Variants in C1QTNF9 observed in about 807,000 individuals in gnomAD.
C1QTNF9 encodes the protein complement C1q and tumor necrosis factor-related protein 9A.
C1QTNF9 carries 6 observed loss-of-function variants against 10.1 expected under a neutral mutation model. The observed-to-expected ratio is 0.59, with a 90% CI of 0.32 to 1.17. C1QTNF9 has a LOEUF of 1.17. Ranked by LOEUF, C1QTNF9 falls within the 50% of genes most tolerant of loss-of-function variation. The probability of loss-of-function intolerance (pLI) is 0.04; values close to 1 mark genes in which losing one functional copy is unlikely to be tolerated. For missense variants in C1QTNF9, 201 were observed against 418.8 expected, an observed-to-expected ratio of 0.48 and a Z score of 4.54; for synonymous variants, 98 against 163.5, an observed-to-expected ratio of 0.60 and a Z score of 3.06.
intron 2 of C1QTNF9, among the ~76,000 whole-genome samples, chr13:24,316,583 C>T (rs565075861): frequency 8.5e-5 from 13 of 152,238 alleles, no homozygotes; most frequent in East Asian, 5.8e-4. Context: ...GCAGCAAGCA[C>T]CCAGCTGCAG....
At chr13:24,315,828 T>C (rs979271559) in intron 1 of C1QTNF9, 154 bp from the exon 2 acceptor site, 9 of 717,888 alleles carry the variant, frequency 1.3e-5, no homozygotes, top group Admixed American at 5.8e-5. Flanking sequence ...ATAATCAGCT[T>C]GCTCCCCTGC....
intron 1 of C1QTNF9, among the ~76,000 whole-genome samples, chr13:24,310,372 C>T (rs1236356763): frequency 8.8e-5 from 13 of 147,088 alleles, no homozygotes; most frequent in Admixed American, 1.4e-4. Context: ...ACTGTGGTCT[C>T]GATCTCCTGA....
At chr13:24,322,489 A>G (rs1403882197) in exon 4 of C1QTNF9, 2 of 152,206 alleles carry the variant, frequency 1.3e-5, no homozygotes, top group African/African-American at 4.8e-5. Context: ...GTTTTCTAGG[A>G]CTGCTCTAAT....
At chr13:24,316,043 A>T in exon 2 of C1QTNF9, 1 of 1,613,728 alleles carries the variant, frequency 6.2e-7, no homozygotes, top group Non-Finnish European at 8.5e-7. Flanking sequence ...TGAAATCTGC[A>T]CAGGGAACAT....
chr13:24,310,911 C>CA (rs58299891), intron 1 of C1QTNF9, among the ~76,000 whole-genome samples: 1,972 of 82,664 alleles, frequency 0.024, 62 homozygotes, highest in African/African-American at 0.064. Flanking sequence ...GGCTCTGTCT[C>CA]AAAAAAAAAA....
At chr13:24,307,590 A>C (rs962074722), upstream of C1QTNF9, among the ~76,000 whole-genome samples, 1 of 151,896 alleles carries the variant, frequency 6.6e-6, no homozygotes. Flanking sequence ...CTTTTTGTTT[A>C]CTCTTAATAT....
At chr13:24,314,388 AAAAG>A (rs1301512091) in intron 1 of C1QTNF9, among the ~76,000 whole-genome samples, 5 of 152,046 alleles carry the variant, frequency 3.3e-5, no homozygotes, top group African/African-American at 7.2e-5. Flanking sequence ...GAAAAAAAAA[AAAAG>A]AAAGAAAGAA....
At chr13:24,316,032 T>C (rs368141246) in exon 2 of C1QTNF9, 11 of 1,613,626 alleles carry the variant, frequency 6.8e-6, no homozygotes, top group Admixed American at 3.3e-5. Context: ...CTGCTTGCCA[T>C]TGAAATCTGC....
chr13:24,308,434 G>A (rs1360660682), upstream of C1QTNF9, among the ~76,000 whole-genome samples: 1 of 152,220 alleles, frequency 6.6e-6, no homozygotes, highest in Non-Finnish European at 1.5e-5. Context: ...GCCACCAAGA[G>A]TGGGGGCAGG....
At chr13:24,313,824 T>G (rs1247783816) in intron 1 of C1QTNF9, among the ~76,000 whole-genome samples, 2 of 152,254 alleles carry the variant, frequency 1.3e-5, no homozygotes, top group Admixed American at 1.3e-4. Context: ...ATATTCACTT[T>G]GAGTTTTTGT....
At position 24,315,947 on chromosome 13, in the gene C1QTNF9, G is replaced by T. The variant is rs112733258; in HGVS notation, c.-22-35G>T. 12 of 1,609,662 alleles carry T rather than the reference G, an allele frequency of 7.5e-6. No individual in the cohort carries two copies. In the African/African-American group the frequency reaches 8.0e-5, roughly 11 times the overall value. ...CTGTGTCCAGGGCCCCAGCAACAAA[G>T]ATTTCTCCTTTGGGTTTCTGTTTCC... On this transcript the variant is annotated intron_variant, in intron 1 of 3. Transcript: ENST00000332018.
chr13:24,309,305 A>ATATATATATATATATATACATATATG (rs1283012806), upstream of C1QTNF9, among the ~76,000 whole-genome samples: 1 of 132,344 alleles, frequency 7.6e-6, no homozygotes, highest in African/African-American at 2.9e-5. Flanking sequence ...ATATATATAT[A>ATATATATATATATATATACATATATG]TATGAAAGAA....
chr13:24,308,745 T>TTGCGTGGCCTCCTGCTCTG (rs1877699251), upstream of C1QTNF9, among the ~76,000 whole-genome samples: 3 of 151,044 alleles, frequency 2.0e-5, no homozygotes, highest in South Asian at 2.1e-4. Flanking sequence ...CTCCTGCTCT[T>TTGCGTGGCCTCCTGCTCTG]TGCGTGGCCT....
chr13:24,310,024 G>A (rs1189297426), intron 1 of C1QTNF9, among the ~76,000 whole-genome samples: 1 of 151,688 alleles, frequency 6.6e-6, no homozygotes, highest in Non-Finnish European at 1.5e-5. Context: ...CTCCCGAGTA[G>A]CTGGGATTAC....
At chr13:24,307,933 C>G (rs1383177045), upstream of C1QTNF9, among the ~76,000 whole-genome samples, 1 of 152,218 alleles carries the variant, frequency 6.6e-6, no homozygotes, top group Admixed American at 6.5e-5. Context: ...TCCCTGTAAG[C>G]AGGAGGCCAG....
chr13:24,316,196 T>C (rs770265999), intron 2 of C1QTNF9, 27 bp downstream of exon 2: 8 of 1,510,322 alleles, frequency 5.3e-6, no homozygotes, highest in Middle Eastern at 1.8e-4. Flanking sequence ...TTCGGCTGCC[T>C]TTCAACTTCT....
chr13:24,321,112 GGA>G lies in C1QTNF9; in HGVS notation c.351_352del (p.Glu117AspfsTer10), dbSNP rs1878240772. On this transcript the variant is annotated frameshift_variant, in exon 4 of 4. Coordinates refer to ENST00000332018, the Ensembl canonical transcript of C1QTNF9. LOFTEE classifies it low-confidence loss of function (END_TRUNC). ...GCCCATGGGAGAGAAGGGCCTCCGA[GGA>G]GAGACTGGGCCTCAGGGGCAGAAGG... is the stretch of plus-strand genomic sequence containing the variant. 9.5e-7 allele frequency: 1 copy of G among 1,057,402 alleles called. No individual in the cohort carries two copies. The highest frequency in any genetic ancestry group is 2.4e-5 in the Admixed American group (1 of 41,836). 65.5% of individuals were successfully genotyped at this position (1,057,402 alleles called of 1,614,324 possible).
Position 24,316,217 on chromosome 13 carries a change from C to T in C1QTNF9, c.166+48C>T, listed in dbSNP as rs751086760. 126 of 1,507,118 alleles carry T rather than the reference C, an allele frequency of 8.4e-5. 11 individuals are homozygous for T. Among genetic ancestry groups the T allele is most frequent in the Non-Finnish European group, 1.1e-4 (122 of 1,094,754 alleles). 93.4% of individuals were successfully genotyped at this position (1,507,118 alleles called of 1,614,324 possible). On this transcript the variant is annotated intron_variant, in intron 2 of 3. Coordinates refer to ENST00000332018, the Ensembl canonical transcript of C1QTNF9. Reference sequence around the variant, plus strand: ...TGCCTTTCAACTTCTCTCTTCATTCCTTTCATCTCATTCACTCATCATCTG... The same window carrying T: ...TGCCTTTCAACTTCTCTCTTCATTCTTTTCATCTCATTCACTCATCATCTG...
chr13:24,320,656 A>C (rs2138812400), intron 3 of C1QTNF9, among the ~76,000 whole-genome samples: 1 of 152,066 alleles, frequency 6.6e-6, no homozygotes, highest in Middle Eastern at 3.4e-3. Context: ...AAGTGCTAGG[A>C]TTACAGGCAT....
Sources: gnomAD v4.1 joint callset for allele counts (sites outside exome capture counted in the v4.1 genomes callset) on GRCh38, gnomAD v4.1.1 for gene constraint, MANE v1.5 for transcripts, NCBI Gene and HGNC (gene_info 2026-07-23, HGNC 2026-07-21) for gene names.